ABCG1: variants seen among roughly 807,000 people sequenced by gnomAD.
The protein encoded by ABCG1 is ATP-binding cassette sub-family G member 1.
Under a neutral mutation model 69.2 loss-of-function variants are expected in ABCG1, and 29 were observed. The ratio of observed to expected loss-of-function variants is 0.42; its 90% CI spans 0.31 to 0.57. The LOEUF (loss-of-function observed/expected upper bound fraction) is 0.57. Among genes scored for constraint, ABCG1 ranks in the 20% least tolerant of loss-of-function variants. The pLI is 0.15. For missense variants in ABCG1, 718 were observed against 898.1 expected (o/e 0.80, Z 2.56); for synonymous variants, 370 against 374.8 (o/e 0.99, Z 0.15).
At position 42,282,142 on chromosome 21, in the gene ABCG1, G is replaced by A. The variant is rs550470732; in HGVS notation, c.589-132G>A. The stretch of plus-strand genomic sequence containing the variant: ...GCAGCCTGGAGTGGGTTCGACTTGC[G>A]TGGCCTCCACGTGGGCCAGGCACGG... On this transcript the variant is annotated intron_variant, in intron 5 of 14. Coordinates refer to ENST00000398449, the MANE Select transcript of ABCG1 (RefSeq NM_016818.3). 60 of 1,279,232 alleles carry A rather than the reference G, an allele frequency of 4.7e-5. No homozygotes were observed. In the South Asian group the frequency reaches 7.0e-4, roughly 15 times the overall value. 79.2% of individuals were successfully genotyped at this position (1,279,232 alleles called of 1,614,324 possible).
intron 2 of ABCG1, chr21:42,259,895 A>T (rs2068375707): frequency 6.9e-7 from 1 of 1,449,012 alleles, no homozygotes; most frequent in Admixed American, 2.9e-5. Flanking sequence ...CGGGAGAAAG[A>T]AGGCCCCCAG....
intron 5 of ABCG1, among the ~76,000 whole-genome samples, chr21:42,279,344 G>T (rs376691822): frequency 3.3e-5 from 5 of 152,166 alleles, no homozygotes; most frequent in African/African-American, 1.2e-4. Flanking sequence ...GGGTCTCGGG[G>T]ATCACCGGAG....
intron 10 of ABCG1, among the ~76,000 whole-genome samples, chr21:42,289,555 A>G (rs2069014095): frequency 6.6e-6 from 1 of 152,148 alleles, no homozygotes; most frequent in African/African-American, 2.4e-5. Context: ...CGGGAACCAT[A>G]ATTCTACCAG....
intron 2 of ABCG1, among the ~76,000 whole-genome samples, chr21:42,234,501 G>A (rs2067947939): frequency 6.6e-6 from 1 of 152,168 alleles, no homozygotes; most frequent in African/African-American, 2.4e-5. Context: ...GCACCTGGCT[G>A]GGGGCTGCAC....
At position 42,283,723 on chromosome 21, in the gene ABCG1, A is replaced by G. The variant is rs534746771; in HGVS notation, c.735-837A>G. Among the ~76,000 whole-genome samples the G allele has an allele frequency of 6.0e-3, 153 of 25,606 alleles. 4 individuals carry two copies. Among genetic ancestry groups the G allele is most frequent in the African/African-American group, 0.036 (119 of 3,314 alleles). 16.8% of individuals were successfully genotyped at this position (25,606 alleles called of 152,430 possible). The stretch of plus-strand genomic sequence containing the variant: ...GGACAGTTGTGAAGTACCACCCACC[A>G]CCCAGATGAGTGGGGACCCCCCACC... On this transcript the variant is annotated intron_variant, in intron 6 of 14. Transcript: ENST00000398449.
chr21:42,265,712 T>C (rs2068492262), intron 2 of ABCG1, among the ~76,000 whole-genome samples: 1 of 152,168 alleles, frequency 6.6e-6, no homozygotes, highest in Non-Finnish European at 1.5e-5. Context: ...TGACCACTGT[T>C]GACTTCTCAG....
intron 2 of ABCG1, among the ~76,000 whole-genome samples, chr21:42,238,870 G>A (rs1173658787): frequency 6.6e-6 from 1 of 152,182 alleles, no homozygotes; most frequent in Non-Finnish European, 1.5e-5. Flanking sequence ...GGGAGCCACA[G>A]TCTCACACCT....
chr21:42,245,695 C>A (rs2068121504), intron 2 of ABCG1, among the ~76,000 whole-genome samples: 1 of 152,200 alleles, frequency 6.6e-6, no homozygotes, highest in Non-Finnish European at 1.5e-5. Context: ...GAGAGCACAG[C>A]TCAAGGCTGA....
At chr21:42,206,622 A>C (rs2067545077) in intron 2 of ABCG1, among the ~76,000 whole-genome samples, 1 of 152,046 alleles carries the variant, frequency 6.6e-6, no homozygotes, top group Non-Finnish European at 1.5e-5. Flanking sequence ...ACATCTGGAT[A>C]ATTTTAAAAT....
At chr21:42,238,493 T>C (rs2068007237) in intron 2 of ABCG1, among the ~76,000 whole-genome samples, 2 of 152,210 alleles carry the variant, frequency 1.3e-5, no homozygotes, top group Admixed American at 1.3e-4. Context: ...TCTTGAGACT[T>C]GTGTACTTGC....
In ABCG1 at chr21:42,287,658, C is replaced by T. The variant is rs1349760785; in HGVS notation, c.974-231C>T. On this transcript the variant is annotated intron_variant, in intron 8 of 14. Transcript: ENST00000398449. The surrounding 1 kb of genome is among the most constrained non-coding windows in gnomAD (Gnocchi z 6.2). Reference sequence around the variant, plus strand: ...TCATTACTTCTCAGACCACTGACAGCACAGTGTGTGTTTGCGTTTCCCGTC... The same window carrying T: ...TCATTACTTCTCAGACCACTGACAGTACAGTGTGTGTTTGCGTTTCCCGTC... Among the ~76,000 whole-genome samples, 1 of 152,226 alleles carries T rather than the reference C, an allele frequency of 6.6e-6. No homozygotes were observed. The highest frequency in any genetic ancestry group is 1.9e-4 in the East Asian group (1 of 5,196).
rs749433701 is a variant in ABCG1 at position 42,296,170 on chromosome 21, G to A, written c.1779G>A (p.Gly593=). The A allele has an allele frequency of 6.2e-7, 1 of 1,614,026 alleles. No individual in the cohort carries two copies. Among genetic ancestry groups the A allele is most frequent in the Non-Finnish European group, 8.5e-7 (1 of 1,179,968 alleles). Residue 593 remains glycine, a synonymous_variant, in exon 15 of 15, where the codon GGG becomes GGA. Coordinates refer to ENST00000398449, the MANE Select transcript of ABCG1 (RefSeq NM_016818.3). This position sits in a 1 kb window ranked among gnomAD's most constrained non-coding sequence, Gnocchi z 5.4. The part of the protein sequence containing the change: ...WMSYISYVRY[G]FEGVILSIYG... Reference sequence around the variant, plus strand: ...GCCTGGCCTTTCCTCCTAGGTATGGGTTCGAAGGGGTCATCCTCTCCATCT... The same window carrying A: ...GCCTGGCCTTTCCTCCTAGGTATGGATTCGAAGGGGTCATCCTCTCCATCT...
At chr21:42,263,233 G>A (rs1041743925) in intron 2 of ABCG1, among the ~76,000 whole-genome samples, 1 of 152,224 alleles carries the variant, frequency 6.6e-6, no homozygotes, top group Non-Finnish European at 1.5e-5. Flanking sequence ...GATTACTGGG[G>A]GGTAATCTCC....
At position 42,225,847 on chromosome 21, in the gene ABCG1, A is replaced by G; in HGVS notation, c.219A>G (p.Ala73=). The change falls in exon 2 of 15, where the codon GCA becomes GCG. Residue 73 remains alanine, a synonymous_variant. Transcript: ENST00000398449. ...AQRFSSLPRR[A]AVNIEFRDLS... is the part of the protein sequence containing the mutation. ...GCTTCTCCTCCTTGCCTCGGAGGGC[A>G]GCTGTGAACATTGAATTCAGGGACC... 6.2e-7 allele frequency: 1 copy of G among 1,614,068 alleles called. No individual in the cohort carries two copies. Among genetic ancestry groups the G allele is most frequent in the South Asian group, 1.1e-5 (1 of 91,072 alleles).
chr21:42,253,642 T>C (rs533621655), intron 2 of ABCG1, among the ~76,000 whole-genome samples: 1 of 152,206 alleles, frequency 6.6e-6, no homozygotes, highest in Admixed American at 6.5e-5. Flanking sequence ...AAACCGCACG[T>C]GAGGGACTCC....
chr21:42,256,630 G>T, intron 2 of ABCG1: 1 of 1,491,848 alleles, frequency 6.7e-7, no homozygotes, highest in Non-Finnish European at 9.0e-7. Flanking sequence ...AGCTCTCAGA[G>T]TGCTGGGGAC....
At chr21:42,244,032 G>C (rs1158642552) in intron 2 of ABCG1, among the ~76,000 whole-genome samples, 2 of 151,932 alleles carry the variant, frequency 1.3e-5, no homozygotes, top group Admixed American at 1.3e-4. Context: ...TGTTAACCAG[G>C]ATGGTCTCAA....
Position 42,296,791 on chromosome 21 carries a change from A to G in ABCG1, c.*399A>G, listed in dbSNP as rs1044317. On this transcript the variant is annotated 3_prime_UTR_variant, in exon 15 of 15. Coordinates refer to ENST00000398449, the MANE Select transcript of ABCG1 (RefSeq NM_016818.3). This position sits in a 1 kb window ranked among gnomAD's most constrained non-coding sequence, Gnocchi z 5.4. ...AAGCAGCCTCTCAGCTGATGGCTGC[A>G]CAGTCAGATGTCTGGTGGCAGAGAG... is the stretch of plus-strand genomic sequence containing the variant. 134,580 of 231,564 alleles carry G rather than the reference A, an allele frequency of 0.58. 39,306 individuals are homozygous for G. Among genetic ancestry groups the G allele is most frequent in the African/African-American group, 0.64 (28,957 of 45,104 alleles). 14.3% of individuals were successfully genotyped at this position (231,564 alleles called of 1,614,324 possible).
intron 2 of ABCG1, among the ~76,000 whole-genome samples, chr21:42,234,301 A>G (rs2067944666): frequency 6.6e-6 from 1 of 152,224 alleles, no homozygotes; most frequent in South Asian, 2.1e-4. Flanking sequence ...TCTCTTTGCA[A>G]TCGCTCAGAC....
Sources: gnomAD v4.1 joint callset for allele counts (sites outside exome capture counted in the v4.1 genomes callset) on GRCh38, gnomAD v4.1.1 for gene constraint, Gnocchi (gnomAD v3.1) non-coding constraint, MANE v1.5 for transcripts, NCBI Gene and HGNC (gene_info 2026-07-23, HGNC 2026-07-21) for gene names.